The following MAN2B2 variants were observed in gnomAD, a reference collection of about 807,000 sequenced individuals.
MAN2B2 encodes mannosidase alpha class 2B member 2.
MAN2B2 carries 106 observed loss-of-function variants against 117.1 expected under a neutral mutation model. The observed-to-expected ratio is 0.90, with a 90% CI of 0.77 to 1.06. The LOEUF is 1.06. Among genes scored for constraint, MAN2B2 ranks in the 50% least tolerant of loss-of-function variants. The pLI is 0.00. For synonymous variants in MAN2B2, 544 were observed against 595.1 expected, an observed-to-expected ratio of 0.91 and a Z score of 1.25; for missense variants, 1,326 against 1,381.4, an observed-to-expected ratio of 0.96 and a Z score of 0.64.
At chr4:6,600,392 T>C (rs1727279593) in intron 9 of MAN2B2, among the ~76,000 whole-genome samples, 1 of 152,204 alleles carries the variant, frequency 6.6e-6, no homozygotes, top group Non-Finnish European at 1.5e-5. Context: ...GGACACCTTA[T>C]GTTCCGAGCC....
intron 6 of MAN2B2, among the ~76,000 whole-genome samples, chr4:6,593,601 G>A (rs569866584): frequency 7.2e-5 from 11 of 152,210 alleles, no homozygotes; most frequent in Non-Finnish European, 1.5e-4. Flanking sequence ...TGCCTGGGCC[G>A]GGCTGGCTCC....
At chr4:6,595,578 G>A (rs1040299777) in intron 7 of MAN2B2, among the ~76,000 whole-genome samples, 2 of 152,222 alleles carry the variant, frequency 1.3e-5, no homozygotes, top group Non-Finnish European at 2.9e-5. Flanking sequence ...GGACAAGGGG[G>A]TTGAACTTGC....
intron 10 of MAN2B2, among the ~76,000 whole-genome samples, chr4:6,604,320 G>C (rs2108750190): frequency 6.6e-6 from 1 of 152,254 alleles, no homozygotes; most frequent in East Asian, 1.9e-4. Flanking sequence ...AGTGGATGTG[G>C]GGACAGCAGT....
chr4:6,605,402 A>G (rs1471714551), intron 11 of MAN2B2, 73 bp downstream of exon 11: 23 of 1,510,862 alleles, frequency 1.5e-5, no homozygotes, highest in Non-Finnish European at 2.0e-5. Context: ...CCCTACCTGG[A>G]TTCTCCATTT....
intron 3 of MAN2B2, among the ~76,000 whole-genome samples, chr4:6,586,014 TGAA>T (rs1464672254): frequency 6.6e-6 from 1 of 152,066 alleles, no homozygotes; most frequent in Non-Finnish European, 1.5e-5. Context: ...CCTCACCTGT[TGAA>T]GACGCAGCAA....
intron 11 of MAN2B2, among the ~76,000 whole-genome samples, chr4:6,608,342 A>G (rs916532974): frequency 1.2e-4 from 19 of 152,102 alleles, no homozygotes; most frequent in Admixed American, 2.0e-4. Context: ...CCTCACCACA[A>G]TCCCACAGAG....
intron 5 of MAN2B2, among the ~76,000 whole-genome samples, chr4:6,591,141 A>G (rs1726843942): frequency 6.6e-6 from 1 of 151,768 alleles, no homozygotes; most frequent in African/African-American, 2.4e-5. Flanking sequence ...ATCAGACTCT[A>G]TCTCAAAACA....
chr4:6,607,194 TCC>T (rs1727584641), intron 11 of MAN2B2, among the ~76,000 whole-genome samples: 1 of 152,140 alleles, frequency 6.6e-6, no homozygotes, highest in African/African-American at 2.4e-5. Context: ...CACATATTTT[TCC>T]CCCTTTTTAT....
In MAN2B2 at chr4:6,589,165, G is replaced by C; in HGVS notation, c.680+5G>C. The C allele has an allele frequency of 6.2e-7, 1 of 1,605,698 alleles. No individual in the cohort carries two copies. ...CCACATCCCTTTCTCCAACAGGTAC[G>C]TGCCCTTCCGCAGTGCCTTTGGGAT... On this transcript the variant is annotated splice_donor_5th_base_variant and intron_variant, in intron 5 of 18. Transcript: ENST00000285599.
At chr4:6,589,607 G>C (rs1473686740) in intron 5 of MAN2B2, among the ~76,000 whole-genome samples, 1 of 152,216 alleles carries the variant, frequency 6.6e-6, no homozygotes, top group African/African-American at 2.4e-5. Context: ...CTCCCCAGCA[G>C]AGTGGGTGGG....
chr4:6,591,660 T>C (rs1726864146), intron 5 of MAN2B2, among the ~76,000 whole-genome samples: 1 of 152,148 alleles, frequency 6.6e-6, no homozygotes, highest in African/African-American at 2.4e-5. Flanking sequence ...CCTAGGCCCC[T>C]GGGGGCCTTC....
At chr4:6,575,379 G>A in intron 1 of MAN2B2, 31 bp downstream of exon 1, 1 of 1,456,652 alleles carries the variant, frequency 6.9e-7, no homozygotes, top group Non-Finnish European at 9.1e-7. Context: ...GCGCGCCCCT[G>A]AGGCTGCAGC....
chr4:6,597,026 C>G (rs1727121690), intron 7 of MAN2B2, 87 bp from the exon 8 acceptor site: 1 of 1,355,908 alleles, frequency 7.4e-7, no homozygotes, highest in Non-Finnish European at 1.0e-6. Context: ...CCTCTGCAGC[C>G]CCAGCTTCTC....
In MAN2B2 at chr4:6,619,970, G is replaced by A. The variant is rs369218242; in HGVS notation, c.2858G>A (p.Arg953His). 18 of 1,613,912 alleles carry A rather than the reference G, an allele frequency of 1.1e-5. No homozygotes were observed. The highest frequency in any genetic ancestry group is 9.3e-5 in the African/African-American group (7 of 75,034). Residue 953 changes from arginine (R) to histidine (H), a missense_variant, in exon 18 of 19, where the codon CGC becomes CAC. Transcript: ENST00000285599. ...GGGTCCGTGGTGGCAGTGGAGGAGC[G>A]CTCGCTCACAGGGACCTGGGATTTG... ...ALGSVVAVEE[R>H]SLTGTWDLSM...
chr4:6,617,480 A>C lies in MAN2B2; in HGVS notation c.2802A>C (p.Thr934=). The C allele has an allele frequency of 1.2e-6, 2 of 1,614,052 alleles. No homozygotes were observed. The highest frequency in any genetic ancestry group is 2.7e-5 in the African/African-American group (2 of 75,024). ...ACCCAGTCCTGTCTCAGCCAGTGAC[A>C]GTGAATCTGGAGGTGAACTTCCCCA... ...GEDPVLSQPV[T]VNLEAVLQAL... Residue 934 remains threonine (T), a synonymous_variant, in exon 17 of 19, where the codon ACA becomes ACC. Transcript: ENST00000285599.
chr4:6,619,186 A>C (rs1712040416), intron 17 of MAN2B2: 1 of 152,304 alleles, frequency 6.6e-6, no homozygotes. Context: ...TGCTTAGAAC[A>C]GAGGACAGAG....
chr4:6,598,176 T>TC (rs762026580), intron 8 of MAN2B2, 22 bp from the exon 9 acceptor site: 44 of 1,607,630 alleles, frequency 2.7e-5, no homozygotes. Context: ...CTGTTCTTCC[T>TC]CCCCTCTGGG....
In MAN2B2 at chr4:6,595,572, A is replaced by C. The variant is rs565598355; in HGVS notation, c.1057+840A>C. Among the ~76,000 whole-genome samples, 23 of 152,354 alleles carry C rather than the reference A, an allele frequency of 1.5e-4. 1 individual carries two copies. In the South Asian group the frequency reaches 3.7e-3, roughly 25 times the overall value. On this transcript the variant is annotated intron_variant, in intron 7 of 18. Coordinates refer to ENST00000285599, the MANE Select transcript of MAN2B2 (RefSeq NM_015274.3). ...GCTGAGTGCAAAAGAACAGCCGGACAAGGGGGTTGAACTTGCTTTTCTAAC... is the reference window on the plus strand; with the variant it reads ...GCTGAGTGCAAAAGAACAGCCGGACCAGGGGGTTGAACTTGCTTTTCTAAC...
At chr4:6,612,502 G>C (rs1362747447) in intron 15 of MAN2B2, among the ~76,000 whole-genome samples, 1 of 152,256 alleles carries the variant, frequency 6.6e-6, no homozygotes, top group East Asian at 1.9e-4. Context: ...CTAAGGAGGA[G>C]CTGGATACAA....
Sources: gnomAD v4.1 joint callset for allele counts (sites outside exome capture counted in the v4.1 genomes callset) on GRCh38, gnomAD v4.1.1 for gene constraint, MANE v1.5 for transcripts, NCBI Gene and HGNC (gene_info 2026-07-23, HGNC 2026-07-21) for gene names.